GNB4: variants seen among roughly 807,000 people sequenced by gnomAD.
GNB4 encodes guanine nucleotide-binding protein subunit beta-4.
In GNB4, 28 loss-of-function variants were observed where a neutral mutation model predicts 45.2. That is an observed-to-expected ratio of 0.62 (90% CI 0.46 to 0.85). The LOEUF is 0.85. Ranked by LOEUF, GNB4 falls within the 40% of genes least tolerant of loss-of-function variation. GNB4 has a pLI of 0.00. For missense variants in GNB4, 321 were observed against 425.4 expected (o/e 0.75, Z 2.16); for synonymous variants, 132 against 143.7 (o/e 0.92, Z 0.58).
chr3:179,519,160 G>A, the GNB4 span, among the ~76,000 whole-genome samples: 1 of 152,194 alleles, frequency 6.6e-6, no homozygotes. Context: ...TATGGCCACT[G>A]GGTCAAGGAA....
At chr3:179,500,642 G>A in the GNB4 span, among the ~76,000 whole-genome samples, 2 of 152,094 alleles carry the variant, frequency 1.3e-5, no homozygotes, top group Non-Finnish European at 2.9e-5. Flanking sequence ...AGCTTGATGG[G>A]GATAGCATTG....
At chr3:179,440,886 G>A (rs1259232153) in intron 1 of GNB4, among the ~76,000 whole-genome samples, 1 of 149,310 alleles carries the variant, frequency 6.7e-6, no homozygotes, top group Non-Finnish European at 1.5e-5. Flanking sequence ...TAGATAGAGA[G>A]AGAGAGAGAG....
At chr3:179,435,437 A>G (rs1315132359) in intron 1 of GNB4, among the ~76,000 whole-genome samples, 1 of 150,298 alleles carries the variant, frequency 6.7e-6, no homozygotes, top group Non-Finnish European at 1.5e-5. Context: ...GCTAAAGAGG[A>G]ATATGAGATA....
At chr3:179,410,866 T>C (rs965047350) in intron 8 of GNB4, among the ~76,000 whole-genome samples, 6 of 152,002 alleles carry the variant, frequency 3.9e-5, no homozygotes, top group East Asian at 3.9e-4. Flanking sequence ...AAATTGAGAG[T>C]ATAATAAATA....
the GNB4 span, chr3:179,464,398 T>G: frequency 4.0e-6 from 5 of 1,243,136 alleles, no homozygotes; most frequent in Admixed American, 8.8e-5. Flanking sequence ...CTGCAGCCCG[T>G]GCACAGCTGC....
chr3:179,429,770 T>A (rs1425412258), intron 1 of GNB4, among the ~76,000 whole-genome samples: 1 of 152,164 alleles, frequency 6.6e-6, no homozygotes, highest in Admixed American at 6.6e-5. Flanking sequence ...GCATATCAGT[T>A]CTACTACAAA....
In GNB4 at chr3:179,416,522, T is replaced by G. The variant is rs768624205; in HGVS notation, c.238A>C (p.Ile80Leu). The change falls in exon 5 of 10, where the codon ATT (isoleucine) becomes CTT (leucine). Residue 80 changes from isoleucine to leucine, a missense_variant. By Grantham distance (5) the Ile-to-Leu change is conservative (BLOSUM62 2). Coordinates refer to ENST00000232564, the MANE Select transcript of GNB4 (RefSeq NM_021629.4). Reference protein sequence around the residue: ...LVSASQDGKLIIWDSYTTNKM... With the variant: ...LVSASQDGKLLIWDSYTTNKM... The stretch of plus-strand genomic sequence containing the variant: ...TTTGTTGTATAGCTATCCCAAATAA[T>G]TAATTTTCCATCTTGAGAAGCACTG... 1 of 1,595,986 alleles carries G rather than the reference T, an allele frequency of 6.3e-7. No individual in the cohort carries two copies. The highest frequency in any genetic ancestry group is 1.7e-5 in the Admixed American group (1 of 57,448).
the GNB4 span, among the ~76,000 whole-genome samples, chr3:179,516,050 C>T: frequency 6.6e-6 from 1 of 152,204 alleles, no homozygotes; most frequent in Non-Finnish European, 1.5e-5. Context: ...AGACCCAGGA[C>T]ATCCAATTAG....
intron 8 of GNB4, among the ~76,000 whole-genome samples, chr3:179,407,521 A>G (rs1714507133): frequency 6.6e-6 from 1 of 152,170 alleles, no homozygotes; most frequent in South Asian, 2.1e-4. Flanking sequence ...CTACCTTACT[A>G]CCATCTTACT....
At chr3:179,425,660 A>C (rs545471147) in intron 2 of GNB4, among the ~76,000 whole-genome samples, 1 of 152,164 alleles carries the variant, frequency 6.6e-6, no homozygotes, top group South Asian at 2.1e-4. Flanking sequence ...TAGTAGAGAC[A>C]GAGTTTCACC....
intron 1 of GNB4, among the ~76,000 whole-genome samples, chr3:179,449,378 A>G (rs897271009): frequency 6.6e-6 from 1 of 152,216 alleles, no homozygotes; most frequent in Non-Finnish European, 1.5e-5. Context: ...GTATAAAAAC[A>G]TGGGACAGAC....
At chr3:179,484,429 T>C in the GNB4 span, among the ~76,000 whole-genome samples, 1 of 152,236 alleles carries the variant, frequency 6.6e-6, no homozygotes, top group African/African-American at 2.4e-5. Flanking sequence ...CCCAAATTAA[T>C]ACTCAAGACA....
the GNB4 span, among the ~76,000 whole-genome samples, chr3:179,462,581 G>A: frequency 4.7e-3 from 713 of 152,264 alleles, 7 homozygotes; most frequent in African/African-American, 0.017. Context: ...GTTTACACCT[G>A]TAATCCTAGC....
In GNB4 at chr3:179,419,251, T is replaced by A. The variant is rs1385881179; in HGVS notation, c.203+148A>T. 5 of 646,584 alleles carry A rather than the reference T, an allele frequency of 7.7e-6. No individual in the cohort carries two copies. The South Asian group carries it at 8.8e-5, about 11-fold the overall frequency. The allele number at this position is 646,584 out of a possible 1,614,324, so 40.1% of individuals were successfully genotyped here. A position where few individuals can be genotyped will look rare whatever the true frequency, so the allele number is the denominator to read the frequency against. On this transcript the variant is annotated intron_variant, in intron 4 of 9. Transcript: ENST00000232564. ...TTTAAAGAGTCAATTAATATTCTTA[T>A]TGAAAGCAGCATGTTCATCTGAGAT...
At chr3:179,498,001 A>G in the GNB4 span, among the ~76,000 whole-genome samples, 1 of 152,236 alleles carries the variant, frequency 6.6e-6, no homozygotes, top group South Asian at 2.1e-4. Flanking sequence ...CCACAAATTA[A>G]AAAGAGAACT....
intron 8 of GNB4, among the ~76,000 whole-genome samples, chr3:179,410,955 C>T (rs925419620): frequency 2.0e-5 from 3 of 151,920 alleles, no homozygotes; most frequent in African/African-American, 7.3e-5. Context: ...AATGGATAAC[C>T]TAAATAGCCC....
rs386356535 is a variant in GNB4, at chr3:179,418,470, C to CAAAA, written c.203+925_203+928dup. On this transcript the variant is annotated intron_variant, in intron 4 of 9. Transcript: ENST00000232564. The stretch of plus-strand genomic sequence containing the variant: ...GGGCAACAAGAGTGAAACTCTGTCT[C>CAAAA]AAAAAAAAAAAAAAAAAAGAAAAAA... Among the ~76,000 whole-genome samples the CAAAA allele has an allele frequency of 1.5e-3, 139 of 95,312 alleles. 1 individual carries two copies. Among genetic ancestry groups the CAAAA allele is most frequent in the Admixed American group, 2.0e-3 (17 of 8,590 alleles). 62.5% of individuals were successfully genotyped at this position (95,312 alleles called of 152,430 possible). A position where few individuals can be genotyped will look rare whatever the true frequency, so the allele number is the denominator to read the frequency against.
At chr3:179,425,768 C>G (rs1159308212) in intron 2 of GNB4, among the ~76,000 whole-genome samples, 1 of 152,076 alleles carries the variant, frequency 6.6e-6, no homozygotes, top group Non-Finnish European at 1.5e-5. Context: ...ACTGTGCCCA[C>G]CCTAATGATT....
the GNB4 span, among the ~76,000 whole-genome samples, chr3:179,471,876 G>T: frequency 6.6e-6 from 1 of 152,112 alleles, no homozygotes; most frequent in South Asian, 2.1e-4. Flanking sequence ...CTTTCTGCAA[G>T]ACAAATTGTC....
Sources: allele counts gnomAD v4.1 joint callset (sites outside exome capture counted in the v4.1 genomes callset), GRCh38; gene constraint gnomAD v4.1.1; transcripts MANE v1.5; gene names NCBI Gene and HGNC (gene_info 2026-07-23, HGNC 2026-07-21).